Variants in PITRM1 observed in about 807,000 individuals in gnomAD.
The protein encoded by PITRM1 is presequence protease, mitochondrial.
A neutral mutation model predicts 129.9 loss-of-function variants in PITRM1; 100 were observed. The ratio of observed to expected loss-of-function variants is 0.77; its 90% confidence interval spans 0.65 to 0.91. The LOEUF is 0.91. Ranked by LOEUF, PITRM1 falls within the 40% of genes least tolerant of loss-of-function variation. The pLI, the probability that PITRM1 is intolerant of heterozygous loss-of-function variation, is 0.00. For missense variants in PITRM1, 1,471 were observed against 1,318.3 expected, an observed-to-expected ratio of 1.12 and a Z score of -1.79; for synonymous variants, 591 against 508.8, an observed-to-expected ratio of 1.16 and a Z score of -2.17.
rs1419445195 is a variant in PITRM1 at position 3,143,392 on chromosome 10, G to A, written c.2642C>T (p.Ala881Val). The A allele has an allele frequency of 6.3e-7, 1 of 1,597,224 alleles. No individual in the cohort carries two copies. The highest frequency in any genetic ancestry group is 8.6e-7 in the Non-Finnish European group (1 of 1,164,642). The change falls in exon 23 of 27, where the codon GCC (alanine) becomes GTC (valine). Residue 881 changes from alanine (A) to valine (V), a missense_variant. Coordinates refer to ENST00000224949, the MANE Select transcript of PITRM1 (RefSeq NM_014889.4). ...RTVPYTDPDH[A>V]SLKILARLMT... ...GTCCCGACCTACACCCTCCTACCTG[G>A]CATGATCTGGGTCCGTGTAGGGGAC...
At chr10:3,139,551 G>A (rs1839972380) in intron 24 of PITRM1, among the ~76,000 whole-genome samples, 1 of 152,214 alleles carries the variant, frequency 6.6e-6, no homozygotes, top group Non-Finnish European at 1.5e-5. Flanking sequence ...GGGCGGCTGT[G>A]AGCTGCTTCC....
Position 3,142,002 on chromosome 10 carries a change from C to T in PITRM1, c.2646-1190G>A, listed in dbSNP as rs573671556. Among the ~76,000 whole-genome samples, 35 of 152,260 alleles carry T rather than the reference C, an allele frequency of 2.3e-4. No individual in the cohort carries two copies. The East Asian group carries it at 4.6e-3, about 20-fold the overall frequency. ...TATCCTTCCTGAGAAATTTCTATTA[C>T]TTGTATATTAAAAACATGCTCACTT... is the stretch of plus-strand genomic sequence containing the variant. On this transcript the variant is annotated intron_variant, in intron 23 of 26. Transcript: ENST00000224949.
At chr10:3,169,727 C>T (rs992094410) in intron 2 of PITRM1, among the ~76,000 whole-genome samples, 9 of 152,174 alleles carry the variant, frequency 5.9e-5, no homozygotes, top group African/African-American at 1.2e-4. Flanking sequence ...GTTCTGCGGA[C>T]GTTTAGAGCA....
At chr10:3,148,428 G>T in intron 16 of PITRM1, 137 bp from the exon 17 acceptor site, 1 of 1,121,646 alleles carries the variant, frequency 8.9e-7, no homozygotes. Context: ...ACACTTCGAA[G>T]GTCATAAGCA....
At chr10:3,143,752 C>G in intron 22 of PITRM1, 1 of 690,682 alleles carries the variant, frequency 1.4e-6, no homozygotes, top group Non-Finnish European at 2.7e-6. Flanking sequence ...GTCCTCCAAT[C>G]TTGACGTGAT....
chr10:3,145,908 G>A (rs536109909), intron 20 of PITRM1, 192 bp from the exon 21 acceptor site: 77 of 578,314 alleles, frequency 1.3e-4, no homozygotes, highest in Admixed American at 2.4e-4. Flanking sequence ...AGAGATTTCC[G>A]CACAGTTCAA....
chr10:3,140,850 G>C (rs1213161946), intron 23 of PITRM1, 38 bp from the exon 24 acceptor site: 2 of 1,508,824 alleles, frequency 1.3e-6, no homozygotes, highest in African/African-American at 1.4e-5. Context: ...TACCGTGGCT[G>C]ATAAAAAAGC....
intron 14 of PITRM1, among the ~76,000 whole-genome samples, chr10:3,153,699 A>G (rs1307219863): frequency 6.6e-6 from 1 of 152,208 alleles, no homozygotes; most frequent in African/African-American, 2.4e-5. Context: ...AGAGCAGGTT[A>G]CAAACTGACA....
chr10:3,141,758 C>A, intron 23 of PITRM1: 1 of 425,060 alleles, frequency 2.4e-6, no homozygotes, highest in Non-Finnish European at 4.9e-6. Flanking sequence ...TGAAGGGAGT[C>A]AAATAGGCCA....
Position 3,147,754 on chromosome 10 carries a change from A to C in PITRM1, c.2070-17T>G. 1.3e-6 allele frequency: 2 copies of C among 1,558,968 alleles called. No individual in the cohort carries two copies. Among genetic ancestry groups the C allele is most frequent in the Non-Finnish European group, 1.7e-6 (2 of 1,157,890 alleles). ...AAGCACGGGCTATGGAAAAAGGAGA[A>C]GAAAAAATTCCTGGAGACCCATTCC... On this transcript the variant is annotated splice_polypyrimidine_tract_variant and intron_variant, in intron 18 of 26. Transcript: ENST00000224949.
intron 14 of PITRM1, among the ~76,000 whole-genome samples, chr10:3,152,703 C>T (rs1409095916): frequency 6.6e-6 from 1 of 152,242 alleles, no homozygotes. Context: ...CTTTCCCGAC[C>T]TCACGCCACT....
chr10:3,143,629 C>A (rs1840505819), intron 22 of PITRM1, 128 bp from the exon 23 acceptor site: 2 of 729,578 alleles, frequency 2.7e-6, no homozygotes, highest in African/African-American at 1.7e-5. Context: ...GGGACTGGAG[C>A]CATCTCAGGG....
chr10:3,142,085 AGG>A (rs1468509554), intron 23 of PITRM1, among the ~76,000 whole-genome samples: 1 of 152,248 alleles, frequency 6.6e-6, no homozygotes, highest in Non-Finnish European at 1.5e-5. Context: ...CCCACTGCCC[AGG>A]GGGAACCTCC....
intron 7 of PITRM1, 197 bp downstream of exon 7, chr10:3,163,528 C>T (rs1588706436): frequency 4.3e-6 from 2 of 467,270 alleles, no homozygotes; most frequent in East Asian, 8.2e-5. Flanking sequence ...CATGCTGAGC[C>T]TCCTGAGGGC....
intron 6 of PITRM1, 179 bp from the exon 7 acceptor site, chr10:3,164,064 C>A (rs4497305): frequency 0.63 from 232,654 of 367,868 alleles, 75,463 homozygotes; most frequent in Non-Finnish European, 0.68. Context: ...TTGTTTAACA[C>A]GGTATTCAAT....
rs145694409 is a variant in PITRM1, at chr10:3,138,613, C to G, written c.2918-276G>C. On this transcript the variant is annotated intron_variant, in intron 25 of 26. Coordinates refer to ENST00000224949, the MANE Select transcript of PITRM1 (RefSeq NM_014889.4). Reference sequence around the variant, plus strand: ...GAGCAAAAGCGGCTCCAGAGAGTAACGTGGCCATGCCCGGGCCGTGCCCAC... The same window carrying G: ...GAGCAAAAGCGGCTCCAGAGAGTAAGGTGGCCATGCCCGGGCCGTGCCCAC... The G allele has an allele frequency of 8.5e-4, 515 of 604,252 alleles. 2 individuals are homozygous for G. The highest frequency in any genetic ancestry group is 8.0e-3 in the African/African-American group (432 of 54,132). The allele number at this position is 604,252 out of a possible 1,614,324, so 37.4% of individuals were successfully genotyped here.
In PITRM1 at chr10:3,138,638, C is replaced by T. The variant is rs148955840; in HGVS notation, c.2917+266G>A. 4,673 of 611,670 alleles carry T rather than the reference C, an allele frequency of 7.6e-3. 40 individuals carry two copies. The highest frequency in any genetic ancestry group is 0.023 in the Middle Eastern group (53 of 2,286). 37.9% of individuals were successfully genotyped at this position (611,670 alleles called of 1,614,324 possible). Reference sequence around the variant, plus strand: ...CGTGGCCATGCCCGGGCCGTGCCCACGTCCTCCTTCCACCCTAAAGAGCCC... The same window carrying T: ...CGTGGCCATGCCCGGGCCGTGCCCATGTCCTCCTTCCACCCTAAAGAGCCC... On this transcript the variant is annotated intron_variant, in intron 25 of 26. Coordinates refer to ENST00000224949, the MANE Select transcript of PITRM1 (RefSeq NM_014889.4).
chr10:3,140,819 T>C lies in PITRM1; in HGVS notation c.2646-7A>G. On this transcript the variant is annotated splice_polypyrimidine_tract_variant and splice_region_variant and intron_variant, in intron 23 of 26. Transcript: ENST00000224949. ...ACGTGCAAGGATTTTAAGACTGAAA[T>C]GATTAAAAAATGCAAGTTAATACCG... The C allele has an allele frequency of 6.4e-7, 1 of 1,570,564 alleles. No homozygotes were observed. The highest frequency in any genetic ancestry group is 8.7e-7 in the Non-Finnish European group (1 of 1,155,090).
At chr10:3,160,745 C>T (rs932882015) in intron 7 of PITRM1, among the ~76,000 whole-genome samples, 1 of 151,296 alleles carries the variant, frequency 6.6e-6, no homozygotes, top group African/African-American at 2.4e-5. Flanking sequence ...ACTACACCAC[C>T]ACACTTGGTT....
Sources: allele counts gnomAD v4.1 joint callset (sites outside exome capture counted in the v4.1 genomes callset), GRCh38; gene constraint gnomAD v4.1.1; transcripts MANE v1.5; gene names NCBI Gene and HGNC (gene_info 2026-07-23, HGNC 2026-07-21).